Variants in SEPTIN9 observed in about 807,000 individuals in gnomAD.
SEPTIN9 encodes septin 9, also known as septin-9.
A neutral mutation model predicts 56.6 loss-of-function variants in SEPTIN9; 13 were observed. The observed-to-expected ratio is 0.23, with a 90% CI of 0.15 to 0.37. The LOEUF (loss-of-function observed/expected upper bound fraction) is 0.37. Ranked by LOEUF, SEPTIN9 falls within the 10% of genes least tolerant of loss-of-function variation. The probability of loss-of-function intolerance (pLI) is 1.00; values close to 1 mark genes in which losing one functional copy is unlikely to be tolerated. For synonymous variants in SEPTIN9, 332 were observed against 334.1 expected (o/e 0.99, Z 0.07); for missense variants, 650 against 823.1 (o/e 0.79, Z 2.57).
intron 3 of SEPTIN9, among the ~76,000 whole-genome samples, chr17:77,467,337 C>G (rs1480382974): frequency 1.3e-5 from 2 of 152,356 alleles, no homozygotes; most frequent in Non-Finnish European, 2.9e-5. Context: ...GGTGTACTGG[C>G]TGGAGGCCTC....
At chr17:77,307,841 C>T (rs2032330916) in intron 2 of SEPTIN9, among the ~76,000 whole-genome samples, 1 of 152,172 alleles carries the variant, frequency 6.6e-6, no homozygotes, top group East Asian at 1.9e-4. Context: ...CTGGGTGCAG[C>T]CTGGGCAAGG....
chr17:77,366,199 G>A (rs1417162449), intron 2 of SEPTIN9, among the ~76,000 whole-genome samples: 4 of 152,122 alleles, frequency 2.6e-5, no homozygotes, highest in Admixed American at 6.5e-5. Flanking sequence ...CAGAGCTCCC[G>A]GAAGGGTCAG....
At chr17:77,370,554 CGTT>C (rs1351286981) in intron 2 of SEPTIN9, among the ~76,000 whole-genome samples, 1 of 152,098 alleles carries the variant, frequency 6.6e-6, no homozygotes, top group African/African-American at 2.4e-5. Flanking sequence ...CTGTAGGTCT[CGTT>C]GTGCACTGAA....
chr17:77,497,202 C>A, intron 10 of SEPTIN9, 113 bp from the exon 11 acceptor site: 2 of 1,067,548 alleles, frequency 1.9e-6, no homozygotes, highest in Non-Finnish European at 2.8e-6. Flanking sequence ...GCCCATGGGG[C>A]TGCCCTCAGA....
intron 3 of SEPTIN9, among the ~76,000 whole-genome samples, chr17:77,479,228 G>A (rs2039348288): frequency 6.6e-6 from 1 of 152,262 alleles, no homozygotes; most frequent in African/African-American, 2.4e-5. Context: ...GCCTCGGACG[G>A]TGTCGTGGTC....
intron 3 of SEPTIN9, among the ~76,000 whole-genome samples, chr17:77,481,679 G>A (rs908996052): frequency 6.6e-6 from 1 of 151,646 alleles, no homozygotes; most frequent in Non-Finnish European, 1.5e-5. Context: ...GTGGCAGCAG[G>A]CGGTACAGCT....
intron 3 of SEPTIN9, among the ~76,000 whole-genome samples, chr17:77,463,080 C>A (rs561015252): frequency 6.6e-6 from 1 of 152,272 alleles, no homozygotes; most frequent in African/African-American, 2.4e-5. Context: ...CCTCTCAGAT[C>A]CTCTGTCTCT....
chr17:77,321,238 C>T (rs56284637), intron 2 of SEPTIN9, among the ~76,000 whole-genome samples: 2,129 of 152,162 alleles, frequency 0.014, 47 homozygotes, highest in African/African-American at 0.047. Context: ...AGCGGGAGGT[C>T]GCTAAGAGTG....
At chr17:77,299,640 CTATA>C (rs927620255) in intron 1 of SEPTIN9, among the ~76,000 whole-genome samples, 4 of 152,348 alleles carry the variant, frequency 2.6e-5, no homozygotes, top group African/African-American at 9.6e-5. Context: ...TATGAGAACC[CTATA>C]TAGGTGAGAC....
intron 3 of SEPTIN9, among the ~76,000 whole-genome samples, chr17:77,481,412 C>T (rs2039451219): frequency 1.3e-5 from 2 of 152,196 alleles, no homozygotes; most frequent in Admixed American, 1.3e-4. Flanking sequence ...GGCCCCCCTC[C>T]TCCATGAGCC....
At chr17:77,305,463 G>T (rs1023458147) in intron 1 of SEPTIN9, among the ~76,000 whole-genome samples, 1 of 152,066 alleles carries the variant, frequency 6.6e-6, no homozygotes, top group African/African-American at 2.4e-5. Context: ...CTCCTTCAAG[G>T]CTCAGCTTTG....
intron 2 of SEPTIN9, among the ~76,000 whole-genome samples, chr17:77,382,667 G>A (rs570884079): frequency 6.6e-6 from 1 of 152,342 alleles, no homozygotes; most frequent in South Asian, 2.1e-4. Context: ...TAAACCCTGG[G>A]CCTCCACCAG....
intron 2 of SEPTIN9, among the ~76,000 whole-genome samples, chr17:77,336,924 T>A (rs1387943873): frequency 6.6e-6 from 1 of 152,152 alleles, no homozygotes; most frequent in Non-Finnish European, 1.5e-5. Context: ...TTTTTCTGCA[T>A]CTATGGAAAT....
chr17:77,322,002 T>C (rs1199088919), intron 2 of SEPTIN9, among the ~76,000 whole-genome samples: 1 of 152,176 alleles, frequency 6.6e-6, no homozygotes, highest in Non-Finnish European at 1.5e-5. Flanking sequence ...CCAGGCAGCC[T>C]GGGCAGACCA....
In SEPTIN9 at chr17:77,475,337, G is replaced by A. The variant is rs1239327724; in HGVS notation, c.722-6807G>A. ...CTGGTTGCGAGGCAGGGCTTCCCCA[G>A]GATTCAGCAGGGATCTGAAGGACTT... On this transcript the variant is annotated intron_variant, in intron 3 of 11. Transcript: ENST00000427177. The surrounding 1 kb of genome is among the most constrained non-coding windows in gnomAD (Gnocchi z 4.6). The A allele has an allele frequency of 1.4e-6, 2 of 1,429,750 alleles. No homozygotes were observed. The highest frequency in any genetic ancestry group is 2.5e-5 in the East Asian group (1 of 39,892). The allele number at this position is 1,429,750 out of a possible 1,614,324, so 88.6% of individuals were successfully genotyped here.
intron 3 of SEPTIN9, among the ~76,000 whole-genome samples, chr17:77,423,182 C>T (rs747181683): frequency 2.0e-5 from 3 of 152,182 alleles, no homozygotes; most frequent in Middle Eastern, 3.4e-3. Context: ...ACTACAGGCT[C>T]ACACCACCAC....
Position 77,499,829 on chromosome 17 carries a change from C to T in SEPTIN9, c.*1171C>T, listed in dbSNP as rs2040430670. On this transcript the variant is annotated 3_prime_UTR_variant, in exon 12 of 12. Transcript: ENST00000427177. ...GCCAGGCGAGCCTGACTCTGTTGATCTACCCGTGCCTGGGCCCCTCCCCTC... is the reference window on the plus strand; with the variant it reads ...GCCAGGCGAGCCTGACTCTGTTGATTTACCCGTGCCTGGGCCCCTCCCCTC... 1 of 322,648 alleles carries T rather than the reference C, an allele frequency of 3.1e-6. No individual in the cohort carries two copies. The highest frequency in any genetic ancestry group is 4.6e-5 in the Admixed American group (1 of 21,748). 20.0% of individuals were successfully genotyped at this position (322,648 alleles called of 1,614,324 possible).
Position 77,402,318 on chromosome 17 carries a change from T to C in SEPTIN9, c.336T>C (p.Ile112=). Residue 112 remains isoleucine, a synonymous_variant, in exon 3 of 12, where the codon ATT becomes ATC. Transcript: ENST00000427177. This position sits in a 1 kb window ranked among gnomAD's most constrained non-coding sequence, Gnocchi z 6.6. ...EPVSRRTELS[I]DISSKQVENA... ...TGTCCCGGCGCACTGAGCTGTCCAT[T>C]GACATCTCGTCCAAGCAGGTGGAGA... 6.2e-7 allele frequency: 1 copy of C among 1,612,758 alleles called. No individual in the cohort carries two copies. The highest frequency in any genetic ancestry group is 8.5e-7 in the Non-Finnish European group (1 of 1,179,792).
intron 3 of SEPTIN9, chr17:77,454,128 C>T (rs1362943377): frequency 2.0e-6 from 2 of 985,820 alleles, no homozygotes; most frequent in Non-Finnish European, 2.4e-6. Context: ...GGGGGCTCCT[C>T]CCCGCCGGCC....
Sources: gnomAD v4.1 joint callset for allele counts (sites outside exome capture counted in the v4.1 genomes callset) on GRCh38, gnomAD v4.1.1 for gene constraint, Gnocchi (gnomAD v3.1) non-coding constraint, MANE v1.5 for transcripts, NCBI Gene and HGNC (gene_info 2026-07-23, HGNC 2026-07-21) for gene names.